Variants in CAMTA1 observed in about 807,000 individuals in gnomAD.
The protein encoded by CAMTA1 is calmodulin binding transcription activator 1.
Under a neutral mutation model 170.9 loss-of-function variants are expected in CAMTA1, and 27 were observed. The ratio of observed to expected loss-of-function variants is 0.16; its 90% CI spans 0.12 to 0.22. CAMTA1 has a LOEUF of 0.22. Ranked by LOEUF, CAMTA1 falls within the 10% of genes least tolerant of loss-of-function variation. The pLI is 1.00. For missense variants in CAMTA1, 1,619 were observed against 2,217.2 expected (o/e 0.73, Z 5.42); for synonymous variants, 833 against 891.5 (o/e 0.93, Z 1.17).
intron 4 of CAMTA1, chr1:7,219,596 C>CTGAATATCTG (rs1312257707): frequency 7.5e-6 from 1 of 133,110 alleles, no homozygotes; most frequent in Non-Finnish European, 1.6e-5. Context: ...CTTCCATGGA[C>CTGAATATCTG]TGAATATCTG....
At chr1:6,830,293 C>A (rs951007136) in intron 3 of CAMTA1, among the ~76,000 whole-genome samples, 1 of 150,804 alleles carries the variant, frequency 6.6e-6, no homozygotes, top group African/African-American at 2.4e-5. Flanking sequence ...ATCCGCCCGC[C>A]TTGGTGTCCC....
chr1:7,278,533 A>G (rs528679392), intron 5 of CAMTA1, among the ~76,000 whole-genome samples: 3 of 152,342 alleles, frequency 2.0e-5, no homozygotes, highest in Admixed American at 2.0e-4. Context: ...GCAATGTTTC[A>G]TCGATGAGAA....
intron 5 of CAMTA1, among the ~76,000 whole-genome samples, chr1:7,439,293 C>T (rs1241720377): frequency 2.0e-5 from 3 of 152,200 alleles, no homozygotes; most frequent in African/African-American, 7.2e-5. Flanking sequence ...GTCCCCTGGA[C>T]CACACTGAGC....
chr1:7,418,932 G>A (rs2091379422), intron 5 of CAMTA1, among the ~76,000 whole-genome samples: 1 of 151,654 alleles, frequency 6.6e-6, no homozygotes, highest in African/African-American at 2.4e-5. Context: ...CAACACTGCA[G>A]CCAGAGGGAT....
At chr1:6,843,649 T>C (rs996243288) in intron 3 of CAMTA1, among the ~76,000 whole-genome samples, 1 of 152,172 alleles carries the variant, frequency 6.6e-6, no homozygotes, top group African/African-American at 2.4e-5. Context: ...CCTGCTAATT[T>C]TAGTATTTTT....
At chr1:7,405,511 C>T (rs902224696) in intron 5 of CAMTA1, among the ~76,000 whole-genome samples, 4 of 150,392 alleles carry the variant, frequency 2.7e-5, no homozygotes, top group African/African-American at 7.4e-5. Context: ...GTTGATACTA[C>T]AGGCATGTGC....
intron 5 of CAMTA1, among the ~76,000 whole-genome samples, chr1:7,431,435 G>C (rs2092147113): frequency 6.6e-6 from 1 of 152,168 alleles, no homozygotes; most frequent in Non-Finnish European, 1.5e-5. Context: ...TTTCCACCCG[G>C]GAGTACAGGT....
chr1:7,694,103 A>C (rs1390173306), intron 11 of CAMTA1: 1 of 152,160 alleles, frequency 6.6e-6, no homozygotes, highest in Non-Finnish European at 1.5e-5. Context: ...ATTCTTTCCT[A>C]CACAAAATGC....
intron 8 of CAMTA1, among the ~76,000 whole-genome samples, chr1:7,662,529 C>A (rs766380158): frequency 6.6e-6 from 1 of 152,060 alleles, no homozygotes; most frequent in Non-Finnish European, 1.5e-5. Flanking sequence ...TAAAGTGACC[C>A]TTATCAGATG....
At chr1:6,980,203 A>G (rs1012592146) in intron 3 of CAMTA1, among the ~76,000 whole-genome samples, 6 of 152,122 alleles carry the variant, frequency 3.9e-5, no homozygotes, top group Non-Finnish European at 5.9e-5. Flanking sequence ...GGGGCCTACA[A>G]GTCGGGGTGG....
At chr1:6,941,180 A>C (rs35596731) in intron 3 of CAMTA1, among the ~76,000 whole-genome samples, 82,636 of 151,836 alleles carry the variant, frequency 0.54, 23,392 homozygotes, top group Non-Finnish European at 0.63. Flanking sequence ...ATGTCTGAAG[A>C]TCCCCATAGC....
intron 7 of CAMTA1, among the ~76,000 whole-genome samples, chr1:7,658,270 C>G (rs4564161): frequency 0.85 from 130,073 of 152,232 alleles, 56,433 homozygotes; most frequent in East Asian, 1. Flanking sequence ...CTCTGCAGGG[C>G]TTTCTGCTCT....
intron 3 of CAMTA1, among the ~76,000 whole-genome samples, chr1:6,958,913 G>A (rs908920091): frequency 2.6e-5 from 4 of 152,104 alleles, no homozygotes; most frequent in African/African-American, 7.2e-5. Flanking sequence ...GGCAGGCTTC[G>A]CACACGTAAT....
intron 12 of CAMTA1, among the ~76,000 whole-genome samples, chr1:7,734,892 C>T (rs1380824595): frequency 6.6e-6 from 1 of 152,054 alleles, no homozygotes; most frequent in Non-Finnish European, 1.5e-5. Context: ...CCTAGAGGTG[C>T]CATTTATTTG....
intron 5 of CAMTA1, among the ~76,000 whole-genome samples, chr1:7,342,318 C>G (rs1241812583): frequency 1.3e-5 from 2 of 152,152 alleles, no homozygotes; most frequent in African/African-American, 2.4e-5. Context: ...GAGGCAGTCC[C>G]CCTCCACCCT....
At chr1:6,857,009 A>G (rs1232013393) in intron 3 of CAMTA1, among the ~76,000 whole-genome samples, 1 of 152,152 alleles carries the variant, frequency 6.6e-6, no homozygotes, top group Non-Finnish European at 1.5e-5. Flanking sequence ...CTTGGAAACT[A>G]GGGTGTCCCT....
At chr1:7,546,241 C>A (rs2094691622) in intron 6 of CAMTA1, among the ~76,000 whole-genome samples, 1 of 152,212 alleles carries the variant, frequency 6.6e-6, no homozygotes, top group African/African-American at 2.4e-5. Context: ...CAGGCGTGAG[C>A]CACTGCGCCC....
At chr1:7,637,416 G>A (rs371532590) in intron 6 of CAMTA1, among the ~76,000 whole-genome samples, 1 of 152,332 alleles carries the variant, frequency 6.6e-6, no homozygotes, top group African/African-American at 2.4e-5. Context: ...CTGCCTGGCC[G>A]TGCCCAGGCA....
chr1:7,058,180 C>T (rs1007759686), intron 3 of CAMTA1, among the ~76,000 whole-genome samples: 1 of 152,108 alleles, frequency 6.6e-6, no homozygotes, highest in African/African-American at 2.4e-5. Context: ...CGCATCACGA[C>T]GCATCTAGAA....
Sources: gnomAD v4.1 joint callset for allele counts (sites outside exome capture counted in the v4.1 genomes callset) on GRCh38, gnomAD v4.1.1 for gene constraint, MANE v1.5 for transcripts, NCBI Gene and HGNC (gene_info 2026-07-23, HGNC 2026-07-21) for gene names.